Variants in PDE1C observed in about 807,000 individuals in gnomAD.
PDE1C encodes dual specificity calcium/calmodulin-dependent 3',5'-cyclic nucleotide phosphodiesterase 1C.
In PDE1C, 62 loss-of-function variants were observed where a neutral mutation model predicts 93.1. The ratio of observed to expected loss-of-function variants is 0.67; its 90% CI spans 0.54 to 0.82. PDE1C has a LOEUF of 0.82. Among genes scored for constraint, PDE1C ranks in the 40% least tolerant of loss-of-function variants. The probability of loss-of-function intolerance (pLI) is 0.00; values close to 1 mark genes in which losing one functional copy is unlikely to be tolerated. For missense variants in PDE1C, 742 were observed against 884.6 expected (o/e 0.84, Z 2.04); for synonymous variants, 325 against 310.1 (o/e 1.05, Z -0.50).
At chr7:32,092,214 G>A (rs1797511181) in intron 3 of PDE1C, among the ~76,000 whole-genome samples, 1 of 152,080 alleles carries the variant, frequency 6.6e-6, no homozygotes, top group Non-Finnish European at 1.5e-5. Context: ...GTTAGAAAAA[G>A]AGGAAGGAAA....
chr7:31,760,328 A>G (rs1202990164), intron 17 of PDE1C, among the ~76,000 whole-genome samples: 1 of 152,200 alleles, frequency 6.6e-6, no homozygotes, highest in African/African-American at 2.4e-5. Context: ...ATATGGTATC[A>G]CACTATATCA....
intron 1 of PDE1C, among the ~76,000 whole-genome samples, chr7:32,419,208 G>A (rs2128099262): frequency 6.6e-6 from 1 of 152,218 alleles, no homozygotes; most frequent in African/African-American, 2.4e-5. Context: ...AAAATACAGG[G>A]GAACAAAGCT....
chr7:32,119,249 G>C (rs1584797571), intron 3 of PDE1C, among the ~76,000 whole-genome samples: 2 of 152,236 alleles, frequency 1.3e-5, no homozygotes, highest in East Asian at 3.9e-4. Context: ...TAACTACTAA[G>C]CCAAAACTGC....
At chr7:31,772,716 G>A (rs1795579114) in intron 17 of PDE1C, among the ~76,000 whole-genome samples, 1 of 152,220 alleles carries the variant, frequency 6.6e-6, no homozygotes, top group African/African-American at 2.4e-5. Flanking sequence ...TCAGCTTACA[G>A]CAGATTGATT....
At chr7:32,081,430 CA>C (rs544855776) in intron 3 of PDE1C, among the ~76,000 whole-genome samples, 1 of 152,228 alleles carries the variant, frequency 6.6e-6, no homozygotes, top group South Asian at 2.1e-4. Flanking sequence ...GTCCCATTCT[CA>C]CCCATTCATA....
intron 2 of PDE1C, among the ~76,000 whole-genome samples, chr7:31,944,633 T>C (rs1806354949): frequency 6.6e-6 from 1 of 152,190 alleles, no homozygotes; most frequent in African/African-American, 2.4e-5. Context: ...CTGAAAGAAT[T>C]TTAAAACACC....
chr7:31,963,709 GT>G (rs1216108239), intron 2 of PDE1C, among the ~76,000 whole-genome samples: 2 of 152,276 alleles, frequency 1.3e-5, no homozygotes, highest in East Asian at 3.9e-4. Context: ...ATTTGAATTG[GT>G]TTCCTTGCAA....
At chr7:32,080,421 T>C (rs1023354151) in intron 3 of PDE1C, among the ~76,000 whole-genome samples, 3 of 152,234 alleles carry the variant, frequency 2.0e-5, no homozygotes, top group Non-Finnish European at 2.9e-5. Context: ...ACATACATTA[T>C]ACTCAAAGAG....
the PDE1C span, among the ~76,000 whole-genome samples, chr7:31,619,766 G>A: frequency 6.6e-6 from 1 of 152,066 alleles, no homozygotes; most frequent in Non-Finnish European, 1.5e-5. Flanking sequence ...CAGGTCAGTG[G>A]GTGCAGCGCA....
the PDE1C span, among the ~76,000 whole-genome samples, chr7:31,712,412 A>G: frequency 3.3e-5 from 5 of 152,228 alleles, no homozygotes; most frequent in Non-Finnish European, 7.3e-5. Flanking sequence ...GATAGTCGCT[A>G]TGGAGCCGAA....
chr7:31,929,761 G>T (rs1398427836), intron 2 of PDE1C, among the ~76,000 whole-genome samples: 2 of 152,148 alleles, frequency 1.3e-5, no homozygotes, highest in Non-Finnish European at 2.9e-5. Context: ...CAACGTATCA[G>T]AATCTCTGGC....
intron 7 of PDE1C, among the ~76,000 whole-genome samples, chr7:31,862,204 T>C (rs777673194): frequency 1.3e-5 from 2 of 152,174 alleles, no homozygotes; most frequent in Admixed American, 6.6e-5. Flanking sequence ...CCTGGGTAGG[T>C]CCTCTATTTT....
At chr7:31,982,715 T>C (rs1042952362) in intron 2 of PDE1C, among the ~76,000 whole-genome samples, 1 of 152,000 alleles carries the variant, frequency 6.6e-6, no homozygotes, top group Non-Finnish European at 1.5e-5. Context: ...AGAATCTAGA[T>C]GGCAAGTGTA....
the PDE1C span, chr7:31,651,989 TG>T: frequency 6.2e-7 from 1 of 1,606,150 alleles, no homozygotes. Flanking sequence ...AGGCAGCAGG[TG>T]GCAGAGTTGG....
At chr7:31,906,465 G>A (rs2128929187) in intron 2 of PDE1C, among the ~76,000 whole-genome samples, 1 of 130,356 alleles carries the variant, frequency 7.7e-6, no homozygotes, top group Non-Finnish European at 1.7e-5. Context: ...GAAGTGTAGA[G>A]TGAGGTACAT....
intron 12 of PDE1C, among the ~76,000 whole-genome samples, chr7:31,826,022 G>A (rs529753394): frequency 6.6e-5 from 10 of 152,188 alleles, no homozygotes; most frequent in African/African-American, 2.2e-4. Flanking sequence ...GGCTGAAGTC[G>A]GGCTACAGAG....
At chr7:32,419,150 G>A (rs1428934612) in intron 1 of PDE1C, among the ~76,000 whole-genome samples, 2 of 152,282 alleles carry the variant, frequency 1.3e-5, no homozygotes, top group Non-Finnish European at 2.9e-5. Context: ...TTAAAGTGGA[G>A]GTGATATCTG....
intron 2 of PDE1C, chr7:31,941,708 G>A (rs1805870065): frequency 6.6e-6 from 1 of 152,242 alleles, no homozygotes; most frequent in Non-Finnish European, 1.5e-5. Flanking sequence ...TTGGACTAAA[G>A]GAGTCAGGGA....
chr7:32,113,236 A>ATATATATATATATATATATATATAT (rs1798774591), intron 3 of PDE1C, among the ~76,000 whole-genome samples: 1 of 94,020 alleles, frequency 1.1e-5, no homozygotes, highest in Non-Finnish European at 2.0e-5. Flanking sequence ...ATTGTCCTTA[A>ATATATATATATATATATATATATAT]ATATATATAT....
Sources: gnomAD v4.1 joint callset for allele counts (sites outside exome capture counted in the v4.1 genomes callset) on GRCh38, gnomAD v4.1.1 for gene constraint, MANE v1.5 for transcripts, NCBI Gene and HGNC (gene_info 2026-07-23, HGNC 2026-07-21) for gene names.